The following HTR7 variants were observed in gnomAD, a reference collection of about 807,000 sequenced individuals.
HTR7 encodes 5-hydroxytryptamine receptor 7, also known as 5-HT-7.
A neutral mutation model predicts 34.0 loss-of-function variants in HTR7; 16 were observed. The observed-to-expected ratio is 0.47, with a 90% CI of 0.32 to 0.71. The LOEUF is 0.71. HTR7 is among the 30% of genes least tolerant of loss of function. The pLI is 0.04. For synonymous variants in HTR7, 265 were observed against 260.2 expected (o/e 1.02, Z -0.18); for missense variants, 504 against 625.5 (o/e 0.81, Z 2.07).
At chr10:90,852,566 T>C (rs780696726) in intron 1 of HTR7, among the ~76,000 whole-genome samples, 1 of 152,198 alleles carries the variant, frequency 6.6e-6, no homozygotes, top group Non-Finnish European at 1.5e-5. Context: ...GCAGCACTAT[T>C]AGAGATAGCC....
intron 1 of HTR7, among the ~76,000 whole-genome samples, chr10:90,801,491 T>C (rs1460113433): frequency 6.6e-6 from 1 of 152,240 alleles, no homozygotes; most frequent in Non-Finnish European, 1.5e-5. Context: ...AGCCAGACCT[T>C]CCCTAATTTG....
intron 1 of HTR7, among the ~76,000 whole-genome samples, chr10:90,773,680 C>A (rs1384124557): frequency 6.6e-6 from 1 of 152,088 alleles, no homozygotes; most frequent in African/African-American, 2.4e-5. Context: ...TTTTTAGATC[C>A]CACAGGTGAA....
chr10:90,765,415 A>G (rs916412639), intron 1 of HTR7, among the ~76,000 whole-genome samples: 1 of 151,742 alleles, frequency 6.6e-6, no homozygotes, highest in Non-Finnish European at 1.5e-5. Context: ...TGATTTATTT[A>G]ATTATTCCCT....
intron 1 of HTR7, among the ~76,000 whole-genome samples, chr10:90,842,460 C>T (rs1361664336): frequency 6.6e-6 from 1 of 152,174 alleles, no homozygotes; most frequent in Non-Finnish European, 1.5e-5. Flanking sequence ...TGATACCACT[C>T]CTTTCTTGCT....
chr10:90,829,822 T>C (rs1846137037), intron 1 of HTR7, among the ~76,000 whole-genome samples: 2 of 152,176 alleles, frequency 1.3e-5, no homozygotes. Context: ...CATTTCTATA[T>C]GCCAACAGAA....
chr10:90,822,985 TCA>T (rs1846010363), intron 1 of HTR7, among the ~76,000 whole-genome samples: 1 of 152,130 alleles, frequency 6.6e-6, no homozygotes. Context: ...CACCTAGATC[TCA>T]GATGATGTAT....
intron 1 of HTR7, among the ~76,000 whole-genome samples, chr10:90,769,569 C>A (rs1845075453): frequency 6.6e-6 from 1 of 152,114 alleles, no homozygotes; most frequent in South Asian, 2.1e-4. Context: ...GAGTAAAATA[C>A]AAATCCTTAT....
At chr10:90,808,016 A>G (rs1241143201) in intron 1 of HTR7, among the ~76,000 whole-genome samples, 2 of 152,028 alleles carry the variant, frequency 1.3e-5, no homozygotes, top group African/African-American at 4.8e-5. Flanking sequence ...GACAAAGGAG[A>G]CATGTTTTAT....
At chr10:90,763,623 C>G (rs868153202) in intron 1 of HTR7, among the ~76,000 whole-genome samples, 1 of 152,148 alleles carries the variant, frequency 6.6e-6, no homozygotes, top group Non-Finnish European at 1.5e-5. Flanking sequence ...TCTTGCCCCC[C>G]ATCCCCCAAC....
chr10:90,759,046 G>A lies in HTR7; in HGVS notation c.540-9452C>T, dbSNP rs1844886184. Among the ~76,000 whole-genome samples, 2 of 152,030 alleles carry A rather than the reference G, an allele frequency of 1.3e-5. 1 individual carries two copies. Among genetic ancestry groups the A allele is most frequent in the South Asian group, 4.2e-4 (2 of 4,808 alleles). On this transcript the variant is annotated intron_variant, in intron 1 of 3. Transcript: ENST00000336152. ...CTACTAAAAATACAAAATTAGCTGG[G>A]CGTGGTGGCACATGCCTGTCATCCC...
At chr10:90,808,588 A>G (rs11186315) in intron 1 of HTR7, among the ~76,000 whole-genome samples, 12,870 of 151,542 alleles carry the variant, frequency 0.085, 586 homozygotes, top group East Asian at 0.16. Flanking sequence ...CCATGCCCCG[A>G]CCTTGTATCT....
At chr10:90,848,973 A>C (rs1216736858) in intron 1 of HTR7, among the ~76,000 whole-genome samples, 1 of 152,208 alleles carries the variant, frequency 6.6e-6, no homozygotes, top group Non-Finnish European at 1.5e-5. Context: ...GTGTTTTAAT[A>C]AGCTCTCCAG....
chr10:90,809,730 G>A (rs2119960108), intron 1 of HTR7, among the ~76,000 whole-genome samples: 1 of 152,326 alleles, frequency 6.6e-6, no homozygotes, highest in Middle Eastern at 3.4e-3. Flanking sequence ...CCAGGCCAAG[G>A]AATGCCTGCA....
intron 1 of HTR7, among the ~76,000 whole-genome samples, chr10:90,781,757 T>C (rs1845308316): frequency 1.3e-5 from 2 of 152,202 alleles, no homozygotes; most frequent in South Asian, 4.1e-4. Flanking sequence ...TGCTTCAGAT[T>C]TTCTACATCA....
intron 1 of HTR7, among the ~76,000 whole-genome samples, chr10:90,754,903 G>A (rs912455945): frequency 1.2e-4 from 19 of 152,282 alleles, no homozygotes; most frequent in Admixed American, 2.6e-4. Flanking sequence ...ACCTCCTCCA[G>A]GAGATTCCTC....
chr10:90,761,653 T>TGTGTG (rs1339464437), intron 1 of HTR7, among the ~76,000 whole-genome samples: 1 of 151,926 alleles, frequency 6.6e-6, no homozygotes, highest in African/African-American at 2.4e-5. Context: ...TGTGTGTGTG[T>TGTGTG]GTGTGTGTGT....
chr10:90,743,772 T>G (rs1844591242), intron 2 of HTR7, 82 bp from the exon 3 acceptor site: 1 of 1,099,026 alleles, frequency 9.1e-7, no homozygotes, highest in African/African-American at 1.6e-5. Flanking sequence ...TATATTTCAT[T>G]ATCATATTTG....
At chr10:90,811,984 T>A (rs547351107) in intron 1 of HTR7, among the ~76,000 whole-genome samples, 63 of 152,296 alleles carry the variant, frequency 4.1e-4, no homozygotes, top group Non-Finnish European at 7.1e-4. Flanking sequence ...AACCTTTACA[T>A]CCCTTACAGT....
chr10:90,746,808 A>C (rs998275548), intron 2 of HTR7, among the ~76,000 whole-genome samples: 1 of 152,178 alleles, frequency 6.6e-6, no homozygotes, highest in Admixed American at 6.5e-5. Context: ...CCCAAGCCCC[A>C]AAACCCTATC....
Sources: allele counts gnomAD v4.1 joint callset (sites outside exome capture counted in the v4.1 genomes callset), GRCh38; gene constraint gnomAD v4.1.1; transcripts MANE v1.5; gene names NCBI Gene and HGNC (gene_info 2026-07-23, HGNC 2026-07-21).